Variants in TRIP12 observed in about 807,000 individuals in gnomAD.
TRIP12 encodes the protein thyroid hormone receptor interactor 12, also known as E3 ubiquitin-protein ligase TRIP12.
TRIP12 carries 25 observed loss-of-function variants against 244.2 expected under a neutral mutation model. The ratio of observed to expected loss-of-function variants is 0.10; its 90% confidence interval spans 0.07 to 0.14. The LOEUF is 0.14. Ranked by LOEUF, TRIP12 falls within the 10% of genes least tolerant of loss-of-function variation. The pLI, the probability that TRIP12 is intolerant of heterozygous loss-of-function variation, is 1.00. For missense variants in TRIP12, 1,677 were observed against 2,486.4 expected, an observed-to-expected ratio of 0.67 and a Z score of 6.92; for synonymous variants, 905 against 873.1, an observed-to-expected ratio of 1.04 and a Z score of -0.64.
intron 6 of TRIP12, among the ~76,000 whole-genome samples, chr2:229,835,807 A>C (rs2154303813): frequency 6.6e-6 from 1 of 152,338 alleles, no homozygotes; most frequent in East Asian, 1.9e-4. Flanking sequence ...AAGACTGGGA[A>C]GGAGCGTACA....
rs1469142229 is a variant in TRIP12 at position 229,793,065 on chromosome 2, T to C, written c.4049A>G (p.Asp1350Gly). The C allele has an allele frequency of 4.3e-6, 7 of 1,613,854 alleles. No homozygotes were observed. The African/African-American group carries it at 9.3e-5, about 22-fold the overall frequency. Residue 1350 changes from aspartate to glycine, a missense_variant, in exon 27 of 42, where the codon GAC (aspartate) becomes GGC (glycine). Around this residue, in one of 11 missense-constraint regions of TRIP12, gnomAD observed 265 missense variants for 370.8 expected, o/e 0.71. Transcript: ENST00000675903. The part of the protein sequence containing the change: ...QLKCQLQRHP[D>G]CANVKQWKGG... The stretch of plus-strand genomic sequence containing the variant: ...CTTCCACTGCTTCACATTTGCACAG[T>C]CTGGATGCCTTTGTAACTGGCATTT...
intron 4 of TRIP12, among the ~76,000 whole-genome samples, chr2:229,851,081 C>T (rs535321704): frequency 6.6e-5 from 10 of 152,342 alleles, no homozygotes; most frequent in African/African-American, 2.4e-4. Flanking sequence ...CCATCGATCA[C>T]CCAAGGGCTG....
chr2:229,850,550 C>T (rs1396289925), intron 4 of TRIP12, among the ~76,000 whole-genome samples: 1 of 152,344 alleles, frequency 6.6e-6, no homozygotes, highest in East Asian at 1.9e-4. Context: ...AAGGTGACAG[C>T]GTGTGGCAGT....
chr2:229,821,096 C>A (rs2049929473), intron 8 of TRIP12, among the ~76,000 whole-genome samples: 1 of 152,002 alleles, frequency 6.6e-6, no homozygotes, highest in Middle Eastern at 3.2e-3. Flanking sequence ...GAGTAAAGAC[C>A]TAATTAAATT....
chr2:229,790,081 G>A (rs558215615), intron 30 of TRIP12, among the ~76,000 whole-genome samples: 336 of 152,188 alleles, frequency 2.2e-3, no homozygotes, highest in Non-Finnish European at 3.7e-3. Flanking sequence ...AAAACAAACT[G>A]TTTAAATTTA....
intron 4 of TRIP12, among the ~76,000 whole-genome samples, chr2:229,853,500 A>G (rs2059093130): frequency 6.6e-6 from 1 of 152,116 alleles, no homozygotes; most frequent in African/African-American, 2.4e-5. Flanking sequence ...TCTCTACTAA[A>G]AATACAAAAA....
chr2:229,814,211 C>A, intron 12 of TRIP12, 22 bp downstream of exon 12: 1 of 1,607,410 alleles, frequency 6.2e-7, no homozygotes, highest in Non-Finnish European at 8.5e-7. Context: ...GAAATGTAGT[C>A]CCCTTCAGTA....
At chr2:229,898,820 T>C (rs2069708222) in intron 1 of TRIP12, among the ~76,000 whole-genome samples, 1 of 152,008 alleles carries the variant, frequency 6.6e-6, no homozygotes, top group Admixed American at 6.6e-5. Context: ...GCCTCCCCAG[T>C]AGCTAGAATT....
At chr2:229,910,371 C>A (rs1366813243) in intron 1 of TRIP12, among the ~76,000 whole-genome samples, 2 of 152,154 alleles carry the variant, frequency 1.3e-5, no homozygotes, top group Non-Finnish European at 2.9e-5. Context: ...AACCGTAACA[C>A]TATGGCTGAA....
At chr2:229,811,077 C>T (rs371519820) in intron 14 of TRIP12, 32 bp from the exon 15 acceptor site, 4 of 1,613,478 alleles carry the variant, frequency 2.5e-6, no homozygotes, top group South Asian at 1.1e-5. Flanking sequence ...GGAATTATTA[C>T]ATCAAGATTC....
chr2:229,796,804 T>C (rs1559467809), intron 24 of TRIP12, 22 bp from the exon 25 acceptor site: 1 of 1,532,134 alleles, frequency 6.5e-7, no homozygotes, highest in Middle Eastern at 1.8e-4. Context: ...AGGAAAAGTA[T>C]TTCTATATTG....
intron 8 of TRIP12, among the ~76,000 whole-genome samples, chr2:229,826,011 A>G (rs550049510): frequency 7.9e-5 from 12 of 152,304 alleles, no homozygotes; most frequent in South Asian, 4.1e-4. Flanking sequence ...ACAAAAATAT[A>G]ACAATGGCAC....
intron 4 of TRIP12, among the ~76,000 whole-genome samples, chr2:229,846,127 T>C (rs2057536992): frequency 6.6e-6 from 1 of 151,716 alleles, no homozygotes; most frequent in African/African-American, 2.4e-5. Flanking sequence ...ATTTAAAATA[T>C]ACATAAACTT....
intron 17 of TRIP12, 173 bp downstream of exon 17, chr2:229,807,535 G>A: frequency 1.3e-6 from 1 of 775,408 alleles, no homozygotes; most frequent in Non-Finnish European, 2.1e-6. Context: ...AGAACATGAA[G>A]TTTTCTGACC....
chr2:229,847,958 G>A (rs2057922019), intron 4 of TRIP12, among the ~76,000 whole-genome samples: 1 of 152,162 alleles, frequency 6.6e-6, no homozygotes, highest in Non-Finnish European at 1.5e-5. Flanking sequence ...CATACTGTCT[G>A]ACAATATACA....
chr2:229,873,397 A>G (rs1329110305), intron 2 of TRIP12, among the ~76,000 whole-genome samples: 1 of 152,188 alleles, frequency 6.6e-6, no homozygotes, highest in East Asian at 1.9e-4. Context: ...CTACCTAACT[A>G]TCCAAAAACT....
intron 2 of TRIP12, among the ~76,000 whole-genome samples, chr2:229,867,169 TTG>T (rs2061681355): frequency 7.3e-5 from 5 of 68,136 alleles, no homozygotes; most frequent in Admixed American, 5.4e-4. Flanking sequence ...GTTTGTTTGT[TTG>T]TTTTTTTTTT....
In TRIP12 at chr2:229,831,157, A is replaced by G. The variant is rs1251597534; in HGVS notation, c.1271-318T>C. 32 of 714,374 alleles carry G rather than the reference A, an allele frequency of 4.5e-5. No homozygotes were observed. In the East Asian group the frequency reaches 8.1e-4, roughly 18 times the overall value. 44.3% of individuals were successfully genotyped at this position (714,374 alleles called of 1,614,324 possible). A position where few individuals can be genotyped will look rare whatever the true frequency, so the allele number is the denominator to read the frequency against. Reference sequence around the variant, plus strand: ...TCCTGAATCCCTCTTCTGAAAGTCAATAAAGAACATACTGCTGTAACAATT... The same window carrying G: ...TCCTGAATCCCTCTTCTGAAAGTCAGTAAAGAACATACTGCTGTAACAATT... On this transcript the variant is annotated intron_variant, in intron 6 of 41. Coordinates refer to ENST00000675903, the MANE Select transcript of TRIP12 (RefSeq NM_001348323.3).
At chr2:229,814,632 G>T (rs2048060923) in intron 11 of TRIP12, 1 of 251,856 alleles carries the variant, frequency 4.0e-6, no homozygotes, top group Non-Finnish European at 7.5e-6. Context: ...TTTAAAATCA[G>T]ATTTTAACTT....
Sources: allele counts gnomAD v4.1 joint callset (sites outside exome capture counted in the v4.1 genomes callset), GRCh38; gene constraint gnomAD v4.1.1; regional missense constraint gnomAD v4.1.1; transcripts MANE v1.5; gene names NCBI Gene and HGNC (gene_info 2026-07-23, HGNC 2026-07-21).